CDH8: variants seen among roughly 807,000 people sequenced by gnomAD.
The protein encoded by CDH8 is cadherin-8.
Under a neutral mutation model 68.1 loss-of-function variants are expected in CDH8, and 17 were observed. That is an observed-to-expected ratio of 0.25 (90% CI 0.17 to 0.37). CDH8 has a LOEUF of 0.37. CDH8 is among the 10% of genes least tolerant of loss of function. The probability of loss-of-function intolerance (pLI) is 1.00; values close to 1 mark genes in which losing one functional copy is unlikely to be tolerated. For missense variants in CDH8, 763 were observed against 999.3 expected, an observed-to-expected ratio of 0.76 and a Z score of 3.19; for synonymous variants, 372 against 365.1, an observed-to-expected ratio of 1.02 and a Z score of -0.21.
intron 3 of CDH8, among the ~76,000 whole-genome samples, chr16:61,899,867 C>T (rs917657944): frequency 1.4e-5 from 2 of 145,620 alleles, no homozygotes; most frequent in Non-Finnish European, 3.0e-5. Context: ...CACACACACA[C>T]GAGTATCTCA....
At chr16:61,756,522 A>C (rs1960324032) in intron 8 of CDH8, among the ~76,000 whole-genome samples, 1 of 152,156 alleles carries the variant, frequency 6.6e-6, no homozygotes, top group Admixed American at 6.5e-5. Context: ...ATTTACAATT[A>C]TTCTGAATAA....
chr16:61,849,286 A>G (rs919898849), intron 4 of CDH8, among the ~76,000 whole-genome samples: 1 of 151,894 alleles, frequency 6.6e-6, no homozygotes, highest in Non-Finnish European at 1.5e-5. Context: ...CTTACTCCAA[A>G]AATGTGGAAA....
intron 5 of CDH8, among the ~76,000 whole-genome samples, chr16:61,822,351 G>A (rs1373470641): frequency 2.0e-5 from 3 of 149,256 alleles, no homozygotes; most frequent in Non-Finnish European, 3.0e-5. Context: ...GTCTGTTTCT[G>A]GGGAACCCAA....
intron 8 of CDH8, among the ~76,000 whole-genome samples, chr16:61,759,686 T>C (rs2142965739): frequency 6.6e-6 from 1 of 152,330 alleles, no homozygotes; most frequent in Admixed American, 6.5e-5. Flanking sequence ...CCCCATTGTA[T>C]ACTGGGTCAG....
At chr16:61,958,954 A>T (rs2143621539) in intron 2 of CDH8, among the ~76,000 whole-genome samples, 1 of 152,286 alleles carries the variant, frequency 6.6e-6, no homozygotes, top group Admixed American at 6.5e-5. Context: ...GAGACCGTAC[A>T]AAATTCCCAG....
At position 61,652,914 on chromosome 16, in the gene CDH8, G is replaced by C; in HGVS notation, c.*694C>G. ...AATCCTGCTTCTAGAAAACAAGCAT[G>C]TTTGAATGGGATTTCTCTCCTCCCA... On this transcript the variant is annotated 3_prime_UTR_variant, in exon 12 of 12. Coordinates refer to ENST00000577390, the MANE Select transcript of CDH8 (RefSeq NM_001796.5). 1 of 1,526,848 alleles carries C rather than the reference G, an allele frequency of 6.5e-7. No homozygotes were observed. Among genetic ancestry groups the C allele is most frequent in the Non-Finnish European group, 8.8e-7 (1 of 1,142,574 alleles). 94.6% of individuals were successfully genotyped at this position (1,526,848 alleles called of 1,614,324 possible). A position where few individuals can be genotyped will look rare whatever the true frequency, so the allele number is the denominator to read the frequency against.
At chr16:61,719,883 CT>C (rs1959203993) in intron 9 of CDH8, among the ~76,000 whole-genome samples, 1 of 150,618 alleles carries the variant, frequency 6.6e-6, no homozygotes, top group Admixed American at 6.7e-5. Context: ...ATATAATTTC[CT>C]TGGGGATTCA....
chr16:61,803,341 G>A (rs982611255), intron 7 of CDH8, among the ~76,000 whole-genome samples: 4 of 133,226 alleles, frequency 3.0e-5, no homozygotes, highest in African/African-American at 6.2e-5. Context: ...AGGAACAACC[G>A]GTACCAGCCG....
At chr16:61,963,767 T>G (rs1472026228) in intron 2 of CDH8, among the ~76,000 whole-genome samples, 1 of 152,236 alleles carries the variant, frequency 6.6e-6, no homozygotes, top group Non-Finnish European at 1.5e-5. Flanking sequence ...GTTAATTGAT[T>G]GATGGTAGTT....
At chr16:61,929,751 G>T (rs781446798) in intron 2 of CDH8, among the ~76,000 whole-genome samples, 3 of 152,020 alleles carry the variant, frequency 2.0e-5, no homozygotes, top group African/African-American at 7.2e-5. Flanking sequence ...TTAGCCACAC[G>T]TGGTGGCAAA....
At chr16:62,028,619 G>C (rs1343913046) in intron 1 of CDH8, among the ~76,000 whole-genome samples, 4 of 151,930 alleles carry the variant, frequency 2.6e-5, no homozygotes, top group Admixed American at 2.0e-4. Context: ...CTCTTCTCTA[G>C]TGTTCTAGAA....
At chr16:62,028,895 C>CAG (rs1035049478) in intron 1 of CDH8, among the ~76,000 whole-genome samples, 7 of 152,148 alleles carry the variant, frequency 4.6e-5, no homozygotes, top group Non-Finnish European at 1.0e-4. Flanking sequence ...ATTTAACAGC[C>CAG]AGAGACCTAC....
At position 62,015,854 on chromosome 16, in the gene CDH8, C is replaced by T. The variant is rs530891778; in HGVS notation, c.252+5298G>A. Among the ~76,000 whole-genome samples, 3 of 152,226 alleles carry T rather than the reference C, an allele frequency of 2.0e-5. No homozygotes were observed. The South Asian group carries it at 6.2e-4, about 32-fold the overall frequency. Reference sequence around the variant, plus strand: ...GCAGTCTACAAACTGGAAAAGGGCTCTCACCAGAACCAACCATGCTGGCAC... The same window carrying T: ...GCAGTCTACAAACTGGAAAAGGGCTTTCACCAGAACCAACCATGCTGGCAC... On this transcript the variant is annotated intron_variant, in intron 2 of 11. Coordinates refer to ENST00000577390, the MANE Select transcript of CDH8 (RefSeq NM_001796.5).
At chr16:61,959,458 T>C (rs1034457809) in intron 2 of CDH8, among the ~76,000 whole-genome samples, 1 of 151,356 alleles carries the variant, frequency 6.6e-6, no homozygotes, top group African/African-American at 2.4e-5. Context: ...ATAGGGCCCC[T>C]TGGGGTAACA....
intron 2 of CDH8, among the ~76,000 whole-genome samples, chr16:61,916,042 C>T (rs780910647): frequency 1.3e-5 from 2 of 152,124 alleles, no homozygotes; most frequent in Admixed American, 6.5e-5. Context: ...CACATTCAAC[C>T]GTATCAGTAA....
At chr16:61,905,600 A>C (rs1409073132) in intron 2 of CDH8, among the ~76,000 whole-genome samples, 1 of 152,168 alleles carries the variant, frequency 6.6e-6, no homozygotes, top group East Asian at 1.9e-4. Flanking sequence ...ACTTTCCCAG[A>C]GAGTTTATAA....
At chr16:61,746,889 C>A (rs997785493) in intron 8 of CDH8, among the ~76,000 whole-genome samples, 3 of 151,952 alleles carry the variant, frequency 2.0e-5, no homozygotes, top group African/African-American at 7.2e-5. Flanking sequence ...GATGCATGCA[C>A]CATATTGAGT....
intron 2 of CDH8, among the ~76,000 whole-genome samples, chr16:61,923,827 T>C: frequency 6.8e-6 from 1 of 147,696 alleles, no homozygotes; most frequent in Non-Finnish European, 1.5e-5. Context: ...ATATTATATA[T>C]GTGATGTATA....
chr16:61,856,803 A>T (rs1015499795), intron 4 of CDH8, among the ~76,000 whole-genome samples: 1 of 152,198 alleles, frequency 6.6e-6, no homozygotes, highest in Non-Finnish European at 1.5e-5. Flanking sequence ...ACAGCCAATA[A>T]GCAACTGAAT....
Sources: gnomAD v4.1 joint callset for allele counts (sites outside exome capture counted in the v4.1 genomes callset) on GRCh38, gnomAD v4.1.1 for gene constraint, MANE v1.5 for transcripts, NCBI Gene and HGNC (gene_info 2026-07-23, HGNC 2026-07-21) for gene names.